The following WWOX variants were observed in gnomAD, a reference collection of about 807,000 sequenced individuals.
WWOX encodes the protein WW domain containing oxidoreductase, also known as WW domain-containing oxidoreductase.
A neutral mutation model predicts 46.2 loss-of-function variants in WWOX; 69 were observed. The ratio of observed to expected loss-of-function variants is 1.49; its 90% confidence interval spans 1.23 to 1.82. The LOEUF is 1.82. Among genes scored for constraint, WWOX ranks in the 40% most tolerant of loss-of-function variants. The pLI is 0.00. For synonymous variants in WWOX, 359 were observed against 202.6 expected (o/e 1.77, Z -6.56); for missense variants, 919 against 542.6 (o/e 1.69, Z -6.89).
At chr16:78,145,112 A>C (rs965941955) in intron 4 of WWOX, among the ~76,000 whole-genome samples, 3 of 152,190 alleles carry the variant, frequency 2.0e-5, no homozygotes, top group African/African-American at 7.2e-5. Context: ...GTTGAAGTCA[A>C]GGTGTTGGCA....
chr16:78,936,037 T>A (rs962591619), intron 8 of WWOX, among the ~76,000 whole-genome samples: 1 of 151,402 alleles, frequency 6.6e-6, no homozygotes, highest in Non-Finnish European at 1.5e-5. Context: ...GTTTGGAGAG[T>A]AGGAGTGAAA....
intron 8 of WWOX, among the ~76,000 whole-genome samples, chr16:79,101,953 G>T (rs2049205760): frequency 6.7e-6 from 1 of 149,756 alleles, no homozygotes; most frequent in Non-Finnish European, 1.5e-5. Context: ...AATTCTGGAA[G>T]AGTTACCTGA....
intron 8 of WWOX, among the ~76,000 whole-genome samples, chr16:78,844,672 A>G (rs1242804051): frequency 1.3e-5 from 2 of 152,220 alleles, no homozygotes. Flanking sequence ...AAATTAAAAC[A>G]TACCTTTTTA....
intron 8 of WWOX, among the ~76,000 whole-genome samples, chr16:78,865,418 G>T (rs1032268188): frequency 1.3e-5 from 2 of 152,174 alleles, no homozygotes; most frequent in East Asian, 1.9e-4. Context: ...CACTCCAGTG[G>T]ACTTTGATTC....
intron 8 of WWOX, among the ~76,000 whole-genome samples, chr16:79,121,396 A>G (rs901637935): frequency 2.0e-5 from 3 of 152,166 alleles, no homozygotes; most frequent in African/African-American, 7.2e-5. Context: ...AATATATAAC[A>G]TGGCTTAGAG....
At chr16:79,202,280 A>G (rs1032120730) in intron 8 of WWOX, among the ~76,000 whole-genome samples, 2 of 152,158 alleles carry the variant, frequency 1.3e-5, no homozygotes, top group Non-Finnish European at 2.9e-5. Flanking sequence ...TAGTGTTGTC[A>G]CTTTTGTCAT....
At chr16:79,120,427 A>C (rs1425654139) in intron 8 of WWOX, among the ~76,000 whole-genome samples, 1 of 152,168 alleles carries the variant, frequency 6.6e-6, no homozygotes, top group Non-Finnish European at 1.5e-5. Context: ...CAGTACCCGA[A>C]GTTTAGGCGC....
At chr16:78,361,633 C>G (rs1038561634) in intron 5 of WWOX, among the ~76,000 whole-genome samples, 1 of 151,938 alleles carries the variant, frequency 6.6e-6, no homozygotes, top group Admixed American at 6.6e-5. Flanking sequence ...TTTGTTGAGA[C>G]AAAGTTTCAC....
At chr16:78,346,678 A>T (rs998183299) in intron 5 of WWOX, among the ~76,000 whole-genome samples, 1 of 119,514 alleles carries the variant, frequency 8.4e-6, no homozygotes, top group Admixed American at 8.2e-5. Context: ...CATGAAAACT[A>T]TGCTTATTGC....
chr16:78,821,702 T>G (rs535082565), intron 8 of WWOX, among the ~76,000 whole-genome samples: 2 of 152,164 alleles, frequency 1.3e-5, no homozygotes, highest in South Asian at 4.1e-4. Context: ...GGGAACTCAG[T>G]TGGTTGCTGA....
intron 8 of WWOX, among the ~76,000 whole-genome samples, chr16:78,449,891 C>T (rs569657545): frequency 1.8e-4 from 27 of 148,160 alleles, no homozygotes; most frequent in African/African-American, 6.0e-4. Context: ...AGCCAGAAAG[C>T]GTGAACTTTT....
intron 8 of WWOX, among the ~76,000 whole-genome samples, chr16:78,579,499 A>G (rs2044993491): frequency 6.6e-6 from 1 of 152,124 alleles, no homozygotes; most frequent in African/African-American, 2.4e-5. Context: ...GGGGTAGGAA[A>G]CAACATGAGA....
intron 8 of WWOX, among the ~76,000 whole-genome samples, chr16:79,189,736 C>T (rs1259014617): frequency 2.0e-5 from 3 of 151,624 alleles, no homozygotes; most frequent in East Asian, 3.9e-4. Context: ...TTCATCCCGC[C>T]GTGTTCATTT....
chr16:79,080,725 G>T (rs530937238), intron 8 of WWOX, among the ~76,000 whole-genome samples: 296 of 152,260 alleles, frequency 1.9e-3, no homozygotes, highest in African/African-American at 6.9e-3. Context: ...CCAGCCACTT[G>T]GGAGGCTGAA....
intron 4 of WWOX, among the ~76,000 whole-genome samples, chr16:78,144,811 G>A (rs914142017): frequency 4.0e-5 from 6 of 151,664 alleles, no homozygotes; most frequent in Admixed American, 2.6e-4. Flanking sequence ...GTGAGCCACC[G>A]TGCCTGGCCT....
intron 8 of WWOX, among the ~76,000 whole-genome samples, chr16:78,708,061 C>G (rs1456728057): frequency 2.6e-5 from 4 of 151,886 alleles, no homozygotes; most frequent in Admixed American, 6.6e-5. Flanking sequence ...TACAGTGGCT[C>G]ACACTTATAA....
intron 5 of WWOX, among the ~76,000 whole-genome samples, chr16:78,218,232 T>G (rs34454460): frequency 6.6e-6 from 1 of 151,896 alleles, no homozygotes; most frequent in East Asian, 1.9e-4. Flanking sequence ...TTTATACTTA[T>G]ATTTATGTAT....
At position 78,115,039 on chromosome 16, in the gene WWOX, G is replaced by C. The variant is rs200208343; in HGVS notation, c.294G>C (p.Pro98=). 10 of 1,614,138 alleles carry C rather than the reference G, an allele frequency of 6.2e-6. No individual in the cohort carries two copies. The highest frequency in any genetic ancestry group is 1.6e-4 in the Middle Eastern group (1 of 6,062). The change falls in exon 4 of 9, where the codon CCG becomes CCC. Residue 98 remains proline, a synonymous_variant. Coordinates refer to ENST00000566780, the MANE Select transcript of WWOX (RefSeq NM_016373.4). ...PRLAFTVDDN[P]TKPTTRQRYD... Reference sequence around the variant, plus strand: ...TGGCGTTTACTGTGGATGATAATCCGACCAAGCCAACCACCCGGCAAAGAT... The same window carrying C: ...TGGCGTTTACTGTGGATGATAATCCCACCAAGCCAACCACCCGGCAAAGAT...
chr16:78,994,873 G>A (rs542149755), intron 8 of WWOX, among the ~76,000 whole-genome samples: 3 of 151,406 alleles, frequency 2.0e-5, no homozygotes, highest in Non-Finnish European at 2.9e-5. Context: ...TTATTATAAT[G>A]TGAAAAAGGT....
Sources: allele counts gnomAD v4.1 joint callset (sites outside exome capture counted in the v4.1 genomes callset), GRCh38; gene constraint gnomAD v4.1.1; transcripts MANE v1.5; gene names NCBI Gene and HGNC (gene_info 2026-07-23, HGNC 2026-07-21).